Variants in SNX30 observed in about 807,000 individuals in gnomAD.
The protein encoded by SNX30 is sorting nexin-30.
SNX30 carries 24 observed loss-of-function variants against 46.4 expected under a neutral mutation model. The ratio of observed to expected loss-of-function variants is 0.52; its 90% CI spans 0.37 to 0.73. The LOEUF (loss-of-function observed/expected upper bound fraction) is 0.73. Ranked by LOEUF, SNX30 falls within the 30% of genes least tolerant of loss-of-function variation. The pLI, the probability that SNX30 is intolerant of heterozygous loss-of-function variation, is 0.00. For missense variants in SNX30, 533 were observed against 555.7 expected (o/e 0.96, Z 0.41); for synonymous variants, 189 against 211.5 (o/e 0.89, Z 0.92).
rs201703207 is a variant in SNX30, at chr9:112,817,765, G to C, written c.409G>C (p.Asp137His). The C allele has an allele frequency of 8.7e-6, 14 of 1,613,810 alleles. No homozygotes were observed. Among genetic ancestry groups the C allele is most frequent in the Non-Finnish European group, 1.1e-5 (13 of 1,179,952 alleles). Residue 137 changes from aspartate to histidine, a missense_variant, in exon 3 of 9, where the codon GAC becomes CAC. Transcript: ENST00000374232. The part of the protein sequence containing the change: ...YSVRRRYQDF[D>H]WLRSKLEESQ... ...TGTTCGTCGAAGATACCAGGATTTT[G>C]ACTGGTTGAGGAGCAAACTGGAAGA...
chr9:112,884,357 C>T (rs374128826), downstream of SNX30, among the ~76,000 whole-genome samples: 17 of 152,286 alleles, frequency 1.1e-4, no homozygotes, highest in African/African-American at 3.6e-4. Flanking sequence ...TCCTGTGGTT[C>T]GAAAGCTTTA....
chr9:112,874,651 A>G lies in SNX30; in HGVS notation c.*5808A>G, dbSNP rs1030108423. 5 of 152,248 alleles carry G rather than the reference A, an allele frequency of 3.3e-5. No homozygotes were observed. Among genetic ancestry groups the G allele is most frequent in the Non-Finnish European group, 7.3e-5 (5 of 68,040 alleles). The allele number at this position is 152,248 out of a possible 1,614,324, so 9.4% of individuals were successfully genotyped here. ...GTGCTTGAGAGAGTGTGTTGATAAGAAAGTGATTTATTTACAGATGGAAGT... is the reference window on the plus strand; with the variant it reads ...GTGCTTGAGAGAGTGTGTTGATAAGGAAGTGATTTATTTACAGATGGAAGT... On this transcript the variant is annotated 3_prime_UTR_variant, in exon 9 of 9. Transcript: ENST00000374232.
At position 112,873,457 on chromosome 9, in the gene SNX30, A is replaced by G. The variant is rs140992243; in HGVS notation, c.*4614A>G. Reference sequence around the variant, plus strand: ...TGGGTAGAAAGAGTTTTAGAAATGTAATCAGTTGTTCAGCTTCAATAATAT... The same window carrying G: ...TGGGTAGAAAGAGTTTTAGAAATGTGATCAGTTGTTCAGCTTCAATAATAT... On this transcript the variant is annotated 3_prime_UTR_variant, in exon 9 of 9. Coordinates refer to ENST00000374232, the MANE Select transcript of SNX30 (RefSeq NM_001012994.2). 3.5e-4 allele frequency: 54 copies of G among 152,332 alleles called. No homozygotes were observed. Among genetic ancestry groups the G allele is most frequent in the African/African-American group, 1.3e-3 (54 of 41,582 alleles). 9.4% of individuals were successfully genotyped at this position (152,332 alleles called of 1,614,324 possible). A position where few individuals can be genotyped will look rare whatever the true frequency, so the allele number is the denominator to read the frequency against.
At chr9:112,878,076 T>TTC (rs1228845015), downstream of SNX30, 3 of 152,258 alleles carry the variant, frequency 2.0e-5, no homozygotes, top group African/African-American at 7.2e-5. Flanking sequence ...GCTCATCTCC[T>TTC]TTCTTCAAGC....
At chr9:112,818,248 C>G (rs188368386) in intron 3 of SNX30, among the ~76,000 whole-genome samples, 1 of 145,472 alleles carries the variant, frequency 6.9e-6, no homozygotes, top group African/African-American at 2.6e-5. Flanking sequence ...CTTGCCCAGG[C>G]AGGTGCGCAA....
intron 7 of SNX30, 137 bp downstream of exon 7, chr9:112,851,082 C>T (rs1461134529): frequency 5.4e-6 from 3 of 551,192 alleles, no homozygotes; most frequent in Non-Finnish European, 9.9e-6. Context: ...TCCTTTTTCA[C>T]TCCCTTTTCT....
intron 1 of SNX30, among the ~76,000 whole-genome samples, chr9:112,762,666 T>C: frequency 6.6e-6 from 1 of 152,222 alleles, no homozygotes; most frequent in South Asian, 2.1e-4. Context: ...ACAGCAGTGC[T>C]AAGTCTTGTC....
intron 1 of SNX30, among the ~76,000 whole-genome samples, chr9:112,762,392 CT>C (rs1839454942): frequency 6.6e-6 from 1 of 152,114 alleles, no homozygotes; most frequent in Admixed American, 6.5e-5. Flanking sequence ...ATACCTGGCT[CT>C]GTGCTACATG....
intron 1 of SNX30, among the ~76,000 whole-genome samples, chr9:112,790,332 T>C (rs1839999221): frequency 6.6e-6 from 1 of 152,224 alleles, no homozygotes; most frequent in East Asian, 1.9e-4. Flanking sequence ...TTTGCTGTGG[T>C]AATAACTCCA....
intron 1 of SNX30, among the ~76,000 whole-genome samples, chr9:112,794,583 G>A (rs1840079855): frequency 6.6e-6 from 1 of 152,124 alleles, no homozygotes; most frequent in Admixed American, 6.5e-5. Context: ...GCTTTGTCAG[G>A]CTCCTCTGAG....
intron 1 of SNX30, among the ~76,000 whole-genome samples, chr9:112,755,300 G>A (rs576176207): frequency 2.6e-5 from 4 of 152,226 alleles, no homozygotes; most frequent in Admixed American, 6.5e-5. Flanking sequence ...ACTGTCCGGG[G>A]AGGGACTGCC....
At chr9:112,788,375 G>A (rs1279098021) in intron 1 of SNX30, among the ~76,000 whole-genome samples, 1 of 152,172 alleles carries the variant, frequency 6.6e-6, no homozygotes, top group Non-Finnish European at 1.5e-5. Flanking sequence ...CGCGTGTGTA[G>A]TACCATGTCA....
intron 1 of SNX30, among the ~76,000 whole-genome samples, chr9:112,787,334 G>T (rs1177449294): frequency 6.6e-6 from 1 of 152,168 alleles, no homozygotes; most frequent in Non-Finnish European, 1.5e-5. Context: ...AAGGAAGTAT[G>T]ACCTATTTGA....
At chr9:112,797,873 A>ATTTTTT in intron 1 of SNX30, among the ~76,000 whole-genome samples, 1 of 121,972 alleles carries the variant, frequency 8.2e-6, no homozygotes, top group Non-Finnish European at 1.7e-5. Flanking sequence ...TAATATTGGT[A>ATTTTTT]TTTTTTTTTT....
At position 112,754,251 on chromosome 9, in the gene SNX30, A is replaced by G. The variant is rs185591136; in HGVS notation, c.156+3094A>G. 2.0e-5 allele frequency among the ~76,000 whole-genome samples: 3 copies of G among 152,274 alleles called. No individual in the cohort carries two copies. In the East Asian group the frequency reaches 5.8e-4, roughly 29 times the overall value. ...GAACTCTGTAGTGCTTGGGTAGAAG[A>G]GAAAGACTGAATATGATGGACTCTC... On this transcript the variant is annotated intron_variant, in intron 1 of 8. Transcript: ENST00000374232.
chr9:112,845,845 G>A (rs1840933578), intron 6 of SNX30, among the ~76,000 whole-genome samples: 1 of 152,090 alleles, frequency 6.6e-6, no homozygotes, highest in South Asian at 2.1e-4. Context: ...TTGGATGAGT[G>A]GACAGACAAG....
chr9:112,810,583 G>A (rs1448056024), intron 2 of SNX30, among the ~76,000 whole-genome samples: 11 of 152,182 alleles, frequency 7.2e-5, no homozygotes, highest in Admixed American at 7.2e-4. Flanking sequence ...GAAATATAGG[G>A]GATGCCGTTT....
At chr9:112,879,861 A>T, downstream of SNX30, 3 of 1,581,784 alleles carry the variant, frequency 1.9e-6, no homozygotes, top group Non-Finnish European at 2.6e-6. Flanking sequence ...GAACAGCTGG[A>T]ATGGGGTAAA....
At chr9:112,811,144 A>G (rs946943015) in intron 2 of SNX30, among the ~76,000 whole-genome samples, 2 of 152,200 alleles carry the variant, frequency 1.3e-5, no homozygotes, top group Non-Finnish European at 2.9e-5. Flanking sequence ...ATGTTGGAAG[A>G]AAGGAAGGCA....
Sources: gnomAD v4.1 joint callset for allele counts (sites outside exome capture counted in the v4.1 genomes callset) on GRCh38, gnomAD v4.1.1 for gene constraint, MANE v1.5 for transcripts, NCBI Gene and HGNC (gene_info 2026-07-23, HGNC 2026-07-21) for gene names.